The following BCAR3 variants were observed in gnomAD, a reference collection of about 807,000 sequenced individuals.
BCAR3 encodes the protein breast cancer anti-estrogen resistance protein 3.
BCAR3 carries 37 observed loss-of-function variants against 80.1 expected under a neutral mutation model. The observed-to-expected ratio is 0.46, with a 90% CI of 0.36 to 0.61. The LOEUF is 0.61. Among genes scored for constraint, BCAR3 ranks in the 20% least tolerant of loss-of-function variants. BCAR3 has a pLI of 0.00. For synonymous variants in BCAR3, 389 were observed against 418.9 expected (o/e 0.93, Z 0.87); for missense variants, 978 against 1,068.2 (o/e 0.92, Z 1.18).
chr1:93,638,342 G>A (rs961139743), intron 3 of BCAR3, among the ~76,000 whole-genome samples: 2 of 152,124 alleles, frequency 1.3e-5, no homozygotes, highest in Non-Finnish European at 2.9e-5. Flanking sequence ...ATCTGGGAAG[G>A]GGAACACATG....
intron 2 of BCAR3, among the ~76,000 whole-genome samples, chr1:93,667,854 A>G (rs1422796035): frequency 6.6e-6 from 1 of 152,208 alleles, no homozygotes; most frequent in Non-Finnish European, 1.5e-5. Flanking sequence ...AATCCCCCTG[A>G]GGACAGTCTC....
chr1:93,823,028 T>C (rs2100822300), intron 2 of BCAR3, among the ~76,000 whole-genome samples: 1 of 133,404 alleles, frequency 7.5e-6, no homozygotes, highest in African/African-American at 2.5e-5. Flanking sequence ...GTCCCCTCCC[T>C]GCTGTAGATG....
At chr1:93,797,045 C>T (rs1321795245) in intron 2 of BCAR3, among the ~76,000 whole-genome samples, 5 of 152,124 alleles carry the variant, frequency 3.3e-5, no homozygotes. Context: ...GAAGAGGGCC[C>T]ATATGTTTTC....
At chr1:93,617,991 C>T (rs1212113805) in intron 3 of BCAR3, among the ~76,000 whole-genome samples, 1 of 152,234 alleles carries the variant, frequency 6.6e-6, no homozygotes, top group African/African-American at 2.4e-5. Context: ...AGCTCACACA[C>T]CTTCCCACAA....
intron 3 of BCAR3, among the ~76,000 whole-genome samples, chr1:93,638,186 T>C (rs990867239): frequency 6.6e-6 from 1 of 151,952 alleles, no homozygotes; most frequent in African/African-American, 2.4e-5. Flanking sequence ...GAGGCGGAGG[T>C]TGCAGTGAGC....
chr1:93,580,611 T>C (rs369770056), intron 7 of BCAR3, among the ~76,000 whole-genome samples: 1 of 152,136 alleles, frequency 6.6e-6, no homozygotes, highest in African/African-American at 2.4e-5. Context: ...TTACAAAGCA[T>C]ATACGTTGTA....
At chr1:93,760,008 G>T (rs534863261) in intron 2 of BCAR3, among the ~76,000 whole-genome samples, 21 of 152,302 alleles carry the variant, frequency 1.4e-4, no homozygotes, top group South Asian at 8.3e-4. Flanking sequence ...TGGGTCAGTA[G>T]GTCAGGGAAA....
chr1:93,672,955 C>T lies in BCAR3; in HGVS notation c.317+1659G>A, dbSNP rs576741363. On this transcript the variant is annotated intron_variant, in intron 2 of 11. Coordinates refer to ENST00000260502, the MANE Select transcript of BCAR3 (RefSeq NM_003567.4). ...CAATGTGCTACACTCCAGCCACAGG[C>T]CATTCCAGTTCCTTTTGGGGTTTTC... Among the ~76,000 whole-genome samples the T allele has an allele frequency of 4.6e-5, 7 of 152,332 alleles. No homozygotes were observed. The East Asian group carries it at 1.3e-3, about 29-fold the overall frequency.
intron 3 of BCAR3, among the ~76,000 whole-genome samples, chr1:93,622,709 T>C (rs185736385): frequency 6.0e-4 from 91 of 152,298 alleles, no homozygotes; most frequent in Non-Finnish European, 1.1e-3. Context: ...AAGGACCTCA[T>C]TGACTGCCGG....
chr1:93,821,814 T>C (rs1654233740), intron 2 of BCAR3, among the ~76,000 whole-genome samples: 1 of 152,196 alleles, frequency 6.6e-6, no homozygotes, highest in African/African-American at 2.4e-5. Context: ...ATTTTTACCA[T>C]TATTATGCCC....
intron 2 of BCAR3, among the ~76,000 whole-genome samples, chr1:93,652,469 T>C (rs1386585264): frequency 6.6e-6 from 1 of 152,092 alleles, no homozygotes; most frequent in African/African-American, 2.4e-5. Flanking sequence ...TCCAGGGAGC[T>C]AGAAAACATC....
At chr1:93,757,536 AC>A (rs1651788156) in intron 2 of BCAR3, among the ~76,000 whole-genome samples, 1 of 152,140 alleles carries the variant, frequency 6.6e-6, no homozygotes, top group Admixed American at 6.5e-5. Context: ...TAAATAGTTG[AC>A]CCTTCAGCGA....
At chr1:93,739,241 G>A (rs754554952) in intron 2 of BCAR3, among the ~76,000 whole-genome samples, 3 of 152,134 alleles carry the variant, frequency 2.0e-5, no homozygotes, top group Non-Finnish European at 2.9e-5. Context: ...CAGTTAAGAC[G>A]AGACATTTCA....
chr1:93,674,017 G>A (rs1648345676), intron 2 of BCAR3, among the ~76,000 whole-genome samples: 1 of 151,990 alleles, frequency 6.6e-6, no homozygotes, highest in Non-Finnish European at 1.5e-5. Flanking sequence ...AGGTGTTATA[G>A]TTTTTTTTAC....
At chr1:93,579,902 C>T (rs1481435545) in intron 7 of BCAR3, among the ~76,000 whole-genome samples, 1 of 152,250 alleles carries the variant, frequency 6.6e-6, no homozygotes, top group Non-Finnish European at 1.5e-5. Flanking sequence ...ATCCTCCTAC[C>T]TCCCAAACAG....
At chr1:93,711,365 G>C (rs930958904) in intron 2 of BCAR3, among the ~76,000 whole-genome samples, 7 of 152,168 alleles carry the variant, frequency 4.6e-5, no homozygotes, top group African/African-American at 1.7e-4. Context: ...CCATTGGCTG[G>C]GACAATGAAA....
chr1:93,750,016 T>C (rs932922780), intron 2 of BCAR3, among the ~76,000 whole-genome samples: 1 of 152,112 alleles, frequency 6.6e-6, no homozygotes. Flanking sequence ...GAATTTGTAC[T>C]ACAATTGAGC....
intron 3 of BCAR3, among the ~76,000 whole-genome samples, chr1:93,641,749 CAT>C (rs1284004849): frequency 6.6e-6 from 1 of 152,160 alleles, no homozygotes; most frequent in Non-Finnish European, 1.5e-5. Context: ...AAAGATGACT[CAT>C]AAAATCTCAG....
chr1:93,808,525 A>G (rs1315841041), intron 2 of BCAR3, among the ~76,000 whole-genome samples: 1 of 152,224 alleles, frequency 6.6e-6, no homozygotes, highest in Non-Finnish European at 1.5e-5. Context: ...ATAAATTAAG[A>G]AAGAGGAAGC....
Sources: allele counts gnomAD v4.1 joint callset (sites outside exome capture counted in the v4.1 genomes callset), GRCh38; gene constraint gnomAD v4.1.1; transcripts MANE v1.5; gene names NCBI Gene and HGNC (gene_info 2026-07-23, HGNC 2026-07-21).